CNOT10: variants seen among roughly 807,000 people sequenced by gnomAD.
CNOT10 encodes CCR4-NOT transcription complex, subunit 10.
Under a neutral mutation model 94.6 loss-of-function variants are expected in CNOT10, and 30 were observed. The ratio of observed to expected loss-of-function variants is 0.32; its 90% CI spans 0.24 to 0.43. The LOEUF (loss-of-function observed/expected upper bound fraction) is 0.43, where lower values mean the gene tolerates loss of function less well. Ranked by LOEUF, CNOT10 falls within the 20% of genes least tolerant of loss-of-function variation. The pLI is 1.00. For missense variants in CNOT10, 759 were observed against 877.2 expected, an observed-to-expected ratio of 0.87 and a Z score of 1.70; for synonymous variants, 289 against 301.6, an observed-to-expected ratio of 0.96 and a Z score of 0.43.
intron 1 of CNOT10, chr3:32,695,517 G>C: frequency 6.8e-7 from 1 of 1,461,184 alleles, no homozygotes; most frequent in Non-Finnish European, 9.1e-7. Context: ...TTAACATTCT[G>C]TATTGGAATG....
chr3:32,766,632 C>CAAA (rs369161243), intron 17 of CNOT10, among the ~76,000 whole-genome samples: 1 of 71,952 alleles, frequency 1.4e-5, no homozygotes, highest in East Asian at 4.4e-4. Context: ...GACTCTGTCT[C>CAAA]AAAAAAAAAA....
intron 4 of CNOT10, among the ~76,000 whole-genome samples, chr3:32,709,735 T>G (rs907134597): frequency 6.6e-6 from 1 of 152,236 alleles, no homozygotes; most frequent in African/African-American, 2.4e-5. Flanking sequence ...CAGGTCCTTC[T>G]GTATAGCTAG....
chr3:32,716,241 A>G lies in CNOT10; in HGVS notation c.590A>G (p.Asn197Ser), dbSNP rs1209890204. Residue 197 changes from asparagine to serine, a missense_variant, in exon 6 of 19, where the codon AAC becomes AGC. Asn to Ser is a conservative substitution (Grantham distance 46). Transcript: ENST00000328834. ...ACCCTACAGACTGGTAATAACAACAACAAAGATGGATCTAATCATAAAGCT... is the reference window on the plus strand; with the variant it reads ...ACCCTACAGACTGGTAATAACAACAGCAAAGATGGATCTAATCATAAAGCT... ...NGKNETGNNN[N>S]KDGSNHKAES... 6.3e-7 allele frequency: 1 copy of G among 1,596,158 alleles called. No homozygotes were observed. The highest frequency in any genetic ancestry group is 1.3e-5 in the African/African-American group (1 of 74,304).
chr3:32,687,449 T>TTG (rs1553627004), intron 1 of CNOT10, among the ~76,000 whole-genome samples: 25 of 76,324 alleles, frequency 3.3e-4, no homozygotes, highest in Admixed American at 1.5e-3. Context: ...GTTTTTTTTT[T>TTG]TTGTTTTTTT....
intron 12 of CNOT10, 86 bp from the exon 13 acceptor site, chr3:32,737,324 T>C: frequency 1.2e-6 from 1 of 864,186 alleles, no homozygotes; most frequent in African/African-American, 1.7e-5. Context: ...AAAAAAAAAG[T>C]TGGGAGTAAG....
intron 13 of CNOT10, chr3:32,753,420 G>A (rs878984096): frequency 6.7e-6 from 10 of 1,497,958 alleles, no homozygotes; most frequent in East Asian, 2.3e-5. Context: ...TTTCAGAAAA[G>A]GAATTGTCTG....
At chr3:32,706,791 TG>T (rs1472081162) in intron 3 of CNOT10, among the ~76,000 whole-genome samples, 1 of 152,242 alleles carries the variant, frequency 6.6e-6, no homozygotes, top group African/African-American at 2.4e-5. Context: ...GAGTTTTCAC[TG>T]TTTGAAGATA....
Position 32,754,508 on chromosome 3 carries a change from A to ATT in CNOT10, c.1596-4948_1596-4947dup, listed in dbSNP as rs1700132204. Among the ~76,000 whole-genome samples the ATT allele has an allele frequency of 4.1e-5, 4 of 97,954 alleles. 1 individual carries two copies. The highest frequency in any genetic ancestry group is 3.5e-4 in the South Asian group (1 of 2,868). The allele number at this position is 97,954 out of a possible 152,430, so 64.3% of individuals were successfully genotyped here. ...AAAAAAAATACATATATATATATATATTTATTTTACTTTTTTTTTTTTTTT... is the reference window on the plus strand; with the variant it reads ...AAAAAAAATACATATATATATATATATTTTTATTTTACTTTTTTTTTTTTTTT... On this transcript the variant is annotated intron_variant, in intron 13 of 18. Coordinates refer to ENST00000328834, the MANE Select transcript of CNOT10 (RefSeq NM_015442.3).
rs58124173 is a variant in CNOT10 at position 32,760,437 on chromosome 3, G to A, written c.1709+866G>A. ...ATTTGAGGTCGGGAGTCTGAGACCA[G>A]CCCAGCCAACGTGGTAAAACCCCAT... On this transcript the variant is annotated intron_variant, in intron 14 of 18. Coordinates refer to ENST00000328834, the MANE Select transcript of CNOT10 (RefSeq NM_015442.3). Among the ~76,000 whole-genome samples, 3 of 152,106 alleles carry A rather than the reference G, an allele frequency of 2.0e-5. No homozygotes were observed. In the East Asian group the frequency reaches 5.8e-4, roughly 30 times the overall value.
At chr3:32,772,469 C>T (rs1253214340) in intron 18 of CNOT10, among the ~76,000 whole-genome samples, 1 of 152,150 alleles carries the variant, frequency 6.6e-6, no homozygotes, top group African/African-American at 2.4e-5. Context: ...CAGTATTGCT[C>T]CTGTGAACAG....
At chr3:32,743,801 T>C (rs998510449) in intron 13 of CNOT10, among the ~76,000 whole-genome samples, 1 of 152,194 alleles carries the variant, frequency 6.6e-6, no homozygotes, top group Non-Finnish European at 1.5e-5. Flanking sequence ...CTGTTTGCTT[T>C]CCATATGTCA....
intron 13 of CNOT10, chr3:32,753,615 A>G: frequency 1.3e-5 from 20 of 1,575,852 alleles, no homozygotes; most frequent in Non-Finnish European, 1.7e-5. Context: ...AACAATTCAT[A>G]GCAGGTGTAA....
At chr3:32,711,620 G>A (rs1309704649) in intron 4 of CNOT10, among the ~76,000 whole-genome samples, 3 of 152,160 alleles carry the variant, frequency 2.0e-5, no homozygotes, top group Non-Finnish European at 4.4e-5. Context: ...CAAGGCCTGG[G>A]ATGAGATGGT....
chr3:32,746,331 T>C (rs1371979389), intron 13 of CNOT10, among the ~76,000 whole-genome samples: 1 of 152,196 alleles, frequency 6.6e-6, no homozygotes, highest in Non-Finnish European at 1.5e-5. Flanking sequence ...ACATTTATTG[T>C]GCACTGTATT....
chr3:32,706,226 A>G (rs1440276104), intron 3 of CNOT10, among the ~76,000 whole-genome samples: 1 of 152,210 alleles, frequency 6.6e-6, no homozygotes, highest in East Asian at 1.9e-4. Flanking sequence ...ATCAAAAGAA[A>G]GATGATGCTT....
chr3:32,740,804 A>G (rs867191724), intron 13 of CNOT10, among the ~76,000 whole-genome samples: 3 of 151,796 alleles, frequency 2.0e-5, no homozygotes, highest in Non-Finnish European at 2.9e-5. Context: ...GGAGCTTGCA[A>G]TAAGCCGAGA....
chr3:32,686,229 C>T (rs982697954), intron 1 of CNOT10, among the ~76,000 whole-genome samples: 2 of 152,166 alleles, frequency 1.3e-5, no homozygotes, highest in African/African-American at 4.8e-5. Flanking sequence ...ATTTCCTGAC[C>T]TTGTCCGGAA....
intron 1 of CNOT10, among the ~76,000 whole-genome samples, chr3:32,693,046 AAAC>A (rs747172330): frequency 2.3e-4 from 35 of 152,320 alleles, no homozygotes; most frequent in Non-Finnish European, 4.4e-4. Flanking sequence ...CCTGTCTCAG[AAAC>A]AACAACAAAA....
chr3:32,728,883 G>C (rs540304271), intron 10 of CNOT10, among the ~76,000 whole-genome samples: 37 of 152,174 alleles, frequency 2.4e-4, no homozygotes, highest in African/African-American at 8.2e-4. Flanking sequence ...GGTGGATCAC[G>C]AGGTCAGGAG....
Sources: allele counts gnomAD v4.1 joint callset (sites outside exome capture counted in the v4.1 genomes callset), GRCh38; gene constraint gnomAD v4.1.1; transcripts MANE v1.5; gene names NCBI Gene and HGNC (gene_info 2026-07-23, HGNC 2026-07-21).